NT5C2: variants seen among roughly 807,000 people sequenced by gnomAD.
The protein encoded by NT5C2 is cytosolic purine 5'-nucleotidase.
A neutral mutation model predicts 76.1 loss-of-function variants in NT5C2; 58 were observed. The ratio of observed to expected loss-of-function variants is 0.76; its 90% CI spans 0.62 to 0.95. NT5C2 has a LOEUF of 0.95. Ranked by LOEUF, NT5C2 falls within the 40% of genes least tolerant of loss-of-function variation. NT5C2 has a pLI of 0.00. For synonymous variants in NT5C2, 229 were observed against 237.4 expected (o/e 0.96, Z 0.32); for missense variants, 478 against 690.3 (o/e 0.69, Z 3.45).
intron 4 of NT5C2, among the ~76,000 whole-genome samples, chr10:103,122,637 TC>T (rs1159244708): frequency 6.6e-6 from 1 of 152,186 alleles, no homozygotes; most frequent in Non-Finnish European, 1.5e-5. Flanking sequence ...CACTCTCACC[TC>T]CCGACTTCTT....
chr10:103,174,527 C>T (rs776205850), intron 3 of NT5C2, among the ~76,000 whole-genome samples: 14 of 152,098 alleles, frequency 9.2e-5, no homozygotes, highest in African/African-American at 1.7e-4. Flanking sequence ...GCCAAGATTG[C>T]GCCATTGTAC....
intron 4 of NT5C2, among the ~76,000 whole-genome samples, chr10:103,110,943 G>A (rs1372339181): frequency 1.3e-5 from 2 of 152,084 alleles, no homozygotes; most frequent in Non-Finnish European, 2.9e-5. Flanking sequence ...GCTAAGTACT[G>A]CCATTCCTTT....
chr10:103,090,293 C>T, intron 18 of NT5C2: 1 of 356,252 alleles, frequency 2.8e-6, no homozygotes, highest in East Asian at 4.9e-5. Flanking sequence ...TCACAGCCCA[C>T]TGCAGCCTCG....
intron 1 of NT5C2, among the ~76,000 whole-genome samples, chr10:103,186,932 C>T (rs2092098307): frequency 6.8e-6 from 1 of 146,702 alleles, no homozygotes. Context: ...AAAAAAAAGG[C>T]ATTTACTGAC....
chr10:103,135,541 G>A (rs1190108970), intron 4 of NT5C2, among the ~76,000 whole-genome samples: 4 of 151,966 alleles, frequency 2.6e-5, no homozygotes, highest in Non-Finnish European at 4.4e-5. Flanking sequence ...TTGGGAGGCC[G>A]AGGCAGGCAG....
Position 103,089,705 on chromosome 10 carries a change from A to G in NT5C2, c.1653T>C (p.Asp551=). 6.2e-7 allele frequency: 1 copy of G among 1,610,758 alleles called. No individual in the cohort carries two copies. Among genetic ancestry groups the G allele is most frequent in the Non-Finnish European group, 8.5e-7 (1 of 1,178,540 alleles). ...CCTCCTCCTCCTCCTCTTCATCATC[A>G]TCTTCGTCATGGCAGTGTGTAATTT... ...PQEITHCHDE[D]DDEEEEEEEE is the part of the protein sequence containing the mutation. The change falls in exon 19 of 19, where the codon GAT becomes GAC. Residue 551 remains aspartate (D), a synonymous_variant. Transcript: ENST00000404739.
chr10:103,146,434 T>C (rs1179107061), intron 3 of NT5C2: 3 of 985,302 alleles, frequency 3.0e-6, no homozygotes, highest in Non-Finnish European at 3.6e-6. Context: ...GTTTTCCTTA[T>C]GGGCTTGCAT....
At chr10:103,132,239 TC>T (rs1303515230) in intron 4 of NT5C2, among the ~76,000 whole-genome samples, 2 of 139,466 alleles carry the variant, frequency 1.4e-5, no homozygotes, top group African/African-American at 5.3e-5. Flanking sequence ...AAACTTCATC[TC>T]GAAAAAAAAA....
chr10:103,093,956 G>A lies in NT5C2; in HGVS notation c.988+16C>T. On this transcript the variant is annotated intron_variant, in intron 14 of 18. Transcript: ENST00000404739. ...TCTGAGCAAAGACATTAAATAAAGG[G>A]AAGTCTGTGACTTACCTCCTGAGTA... 2.5e-6 allele frequency: 4 copies of A among 1,589,380 alleles called. No individual in the cohort carries two copies. Among genetic ancestry groups the A allele is most frequent in the Non-Finnish European group, 3.5e-6 (4 of 1,157,496 alleles).
rs142512467 is a variant in NT5C2 at position 103,125,265 on chromosome 10, C to T, written c.175+14141G>A. ...CTGTGATCATCAATGATTTCAAATT[C>T]GCCAATGGAACCATGCTTCATTGTC... On this transcript the variant is annotated intron_variant, in intron 4 of 18. Transcript: ENST00000404739. 1,177 of 701,154 alleles carry T rather than the reference C, an allele frequency of 1.7e-3. 18 individuals are homozygous for T. In the African/African-American group the frequency reaches 0.02, roughly 12 times the overall value. 43.4% of individuals were successfully genotyped at this position (701,154 alleles called of 1,614,324 possible).
chr10:103,159,925 T>C (rs1273771097), intron 3 of NT5C2, among the ~76,000 whole-genome samples: 1 of 152,120 alleles, frequency 6.6e-6, no homozygotes, highest in Non-Finnish European at 1.5e-5. Context: ...AAGATTCATA[T>C]GGATATAGAA....
At chr10:103,141,167 T>C (rs2080350293) in intron 3 of NT5C2, among the ~76,000 whole-genome samples, 1 of 152,164 alleles carries the variant, frequency 6.6e-6, no homozygotes, top group Non-Finnish European at 1.5e-5. Context: ...ATAATAAAAA[T>C]TATTCAAGGT....
intron 3 of NT5C2, among the ~76,000 whole-genome samples, chr10:103,143,248 T>C (rs1305204177): frequency 1.3e-5 from 2 of 151,970 alleles, no homozygotes; most frequent in African/African-American, 4.8e-5. Context: ...CTGAGTAACT[T>C]GTTAAAAATA....
chr10:103,192,118 T>G (rs2092686632), intron 1 of NT5C2, among the ~76,000 whole-genome samples: 1 of 152,144 alleles, frequency 6.6e-6, no homozygotes, highest in Admixed American at 6.6e-5. Flanking sequence ...GCAATAACAC[T>G]AAGTTTTCAT....
In NT5C2 at chr10:103,170,793, T is replaced by C. The variant is rs374237165; in HGVS notation, c.101+4065A>G. Among the ~76,000 whole-genome samples the C allele has an allele frequency of 4.6e-5, 7 of 152,046 alleles. No individual in the cohort carries two copies. In the East Asian group the frequency reaches 1.4e-3, roughly 29 times the overall value. On this transcript the variant is annotated intron_variant, in intron 3 of 18. Coordinates refer to ENST00000404739, the MANE Select transcript of NT5C2 (RefSeq NM_001351169.2). The stretch of plus-strand genomic sequence containing the variant: ...CCGCCTGGCTCGGCCTCCCAAAGTG[T>C]GTGGACTACAGGCGTGAACCACCAT...
At chr10:103,190,229 G>A (rs1233133008) in intron 1 of NT5C2, among the ~76,000 whole-genome samples, 2 of 152,118 alleles carry the variant, frequency 1.3e-5, no homozygotes, top group Admixed American at 6.5e-5. Flanking sequence ...TCAAACTCCT[G>A]ACCTCAGGTG....
chr10:103,101,005 A>AC (rs1327425715), intron 8 of NT5C2, 40 bp downstream of exon 8: 21 of 1,125,162 alleles, frequency 1.9e-5, no homozygotes, highest in Non-Finnish European at 2.8e-5. Context: ...CATTAATTTT[A>AC]AAAATCAATT....
At chr10:103,186,912 CAA>C (rs34351688) in intron 1 of NT5C2, among the ~76,000 whole-genome samples, 47 of 88,342 alleles carry the variant, frequency 5.3e-4, no homozygotes, top group Admixed American at 5.9e-4. Flanking sequence ...GACTCCGTCT[CAA>C]AAAAAAAAAA....
intron 3 of NT5C2, among the ~76,000 whole-genome samples, chr10:103,172,686 A>C (rs896647242): frequency 1.3e-5 from 2 of 152,086 alleles, no homozygotes; most frequent in Non-Finnish European, 2.9e-5. Flanking sequence ...AATTACAAAA[A>C]TTAGCTGGGC....
Sources: gnomAD v4.1 joint callset for allele counts (sites outside exome capture counted in the v4.1 genomes callset) on GRCh38, gnomAD v4.1.1 for gene constraint, MANE v1.5 for transcripts, NCBI Gene and HGNC (gene_info 2026-07-23, HGNC 2026-07-21) for gene names.